Variants in IGF2BP2 observed in about 807,000 individuals in gnomAD.
IGF2BP2 encodes the protein insulin-like growth factor 2 mRNA-binding protein 2.
Under a neutral mutation model 75.8 loss-of-function variants are expected in IGF2BP2, and 17 were observed. The observed-to-expected ratio is 0.22, with a 90% CI of 0.15 to 0.34. The LOEUF (loss-of-function observed/expected upper bound fraction) is 0.34. Ranked by LOEUF, IGF2BP2 falls within the 10% of genes least tolerant of loss-of-function variation. The probability of loss-of-function intolerance (pLI) is 1.00; values close to 1 mark genes in which losing one functional copy is unlikely to be tolerated. For synonymous variants in IGF2BP2, 288 were observed against 295.6 expected, an observed-to-expected ratio of 0.97 and a Z score of 0.26; for missense variants, 516 against 772.4, an observed-to-expected ratio of 0.67 and a Z score of 3.93.
At chr3:185,666,001 CATA>C (rs1717530545) in intron 10 of IGF2BP2, among the ~76,000 whole-genome samples, 1 of 145,294 alleles carries the variant, frequency 6.9e-6, no homozygotes, top group Non-Finnish European at 1.5e-5. Context: ...TAGATAGGTA[CATA>C]GATAGATAGA....
chr3:185,794,947 G>C (rs1383039522), intron 2 of IGF2BP2, among the ~76,000 whole-genome samples: 2 of 151,824 alleles, frequency 1.3e-5, no homozygotes, highest in African/African-American at 2.4e-5. Flanking sequence ...GCCCAGGCTG[G>C]AGTGCAGTGG....
At position 185,647,240 on chromosome 3, in the gene IGF2BP2, G is replaced by C. The variant is rs965397072; in HGVS notation, c.1594-102C>G. On this transcript the variant is annotated intron_variant, in intron 14 of 15. Transcript: ENST00000382199. The surrounding 1 kb of genome is among the most constrained non-coding windows in gnomAD (Gnocchi z 4.9). ...GCCAAGAGGTGGAGCAGGGGAAGGA[G>C]GGGGGCTGGACTCTGCTCTCCTTTC... 1.2e-6 allele frequency: 1 copy of C among 845,430 alleles called. No homozygotes were observed. Among genetic ancestry groups the C allele is most frequent in the Admixed American group, 1.8e-5 (1 of 56,908 alleles). The allele number at this position is 845,430 out of a possible 1,614,324, so 52.4% of individuals were successfully genotyped here.
chr3:185,808,010 T>C (rs1237210332), intron 2 of IGF2BP2, among the ~76,000 whole-genome samples: 2 of 151,660 alleles, frequency 1.3e-5, no homozygotes, highest in East Asian at 1.9e-4. Context: ...CTGGGTGTAG[T>C]GGTGCATGCC....
At chr3:185,780,275 G>A (rs1424134561) in intron 2 of IGF2BP2, among the ~76,000 whole-genome samples, 1 of 152,132 alleles carries the variant, frequency 6.6e-6, no homozygotes, top group Non-Finnish European at 1.5e-5. Flanking sequence ...AAAGGGACCA[G>A]GATTAGGGAT....
chr3:185,767,109 C>T (rs532077345), intron 2 of IGF2BP2, among the ~76,000 whole-genome samples: 176 of 152,284 alleles, frequency 1.2e-3, no homozygotes, highest in African/African-American at 4.1e-3. Context: ...CTGGCAGAGG[C>T]AGTTGTGGGA....
chr3:185,792,003 G>A (rs980176803), intron 2 of IGF2BP2, among the ~76,000 whole-genome samples: 2 of 152,124 alleles, frequency 1.3e-5, no homozygotes, highest in Non-Finnish European at 2.9e-5. Context: ...TCCCATATTT[G>A]GCATGGATCA....
chr3:185,812,163 G>A lies in IGF2BP2; in HGVS notation c.239+10990C>T, dbSNP rs547646737. On this transcript the variant is annotated intron_variant, in intron 2 of 15. Transcript: ENST00000382199. ...TGTTTTGAAGATCACTCCTGTGTTCGTGGAGCCCCACCTTACACAACAGAT... is the reference window on the plus strand; with the variant it reads ...TGTTTTGAAGATCACTCCTGTGTTCATGGAGCCCCACCTTACACAACAGAT... Among the ~76,000 whole-genome samples, 4 of 152,214 alleles carry A rather than the reference G, an allele frequency of 2.6e-5. No individual in the cohort carries two copies. The South Asian group carries it at 6.2e-4, about 24-fold the overall frequency.
intron 2 of IGF2BP2, among the ~76,000 whole-genome samples, chr3:185,756,248 T>C (rs1236733956): frequency 6.6e-6 from 1 of 152,168 alleles, no homozygotes; most frequent in Non-Finnish European, 1.5e-5. Context: ...CCCTTCACCT[T>C]CTGCCATCAT....
chr3:185,647,007 G>A lies in IGF2BP2; in HGVS notation c.1707+18C>T. 6.4e-7 allele frequency: 1 copy of A among 1,552,574 alleles called. No homozygotes were observed. The highest frequency in any genetic ancestry group is 1.7e-4 in the Middle Eastern group (1 of 5,864). On this transcript the variant is annotated intron_variant, in intron 15 of 15. Transcript: ENST00000382199. This position sits in a 1 kb window ranked among gnomAD's most constrained non-coding sequence, Gnocchi z 4.9. ...AAAAGAGACTTGCAGGAGAGACAGG[G>A]CCCTCACAGCACAGTACCTGGCTAG...
At chr3:185,774,482 C>T (rs1173701027) in intron 2 of IGF2BP2, among the ~76,000 whole-genome samples, 1 of 151,874 alleles carries the variant, frequency 6.6e-6, no homozygotes, top group Non-Finnish European at 1.5e-5. Flanking sequence ...ATAGTCCCAG[C>T]TACTCAGGAG....
intron 2 of IGF2BP2, among the ~76,000 whole-genome samples, chr3:185,782,656 G>A (rs1038391436): frequency 7.9e-5 from 12 of 152,162 alleles, no homozygotes; most frequent in East Asian, 3.9e-4. Flanking sequence ...CACTGGGAGC[G>A]CAGACTGTCA....
At chr3:185,789,578 GC>G (rs1240996067) in intron 2 of IGF2BP2, among the ~76,000 whole-genome samples, 4 of 151,778 alleles carry the variant, frequency 2.6e-5, no homozygotes, top group African/African-American at 9.7e-5. Context: ...GCCACATAGG[GC>G]ACACAGCTGT....
At chr3:185,798,794 TC>T (rs779918530) in intron 2 of IGF2BP2, among the ~76,000 whole-genome samples, 40,956 of 134,606 alleles carry the variant, frequency 0.3, 6,554 homozygotes, top group African/African-American at 0.46. Context: ...TTTCTTTTTT[TC>T]TTTTTTTTTT....
chr3:185,772,693 T>C (rs1456190475), intron 2 of IGF2BP2, among the ~76,000 whole-genome samples: 2 of 151,320 alleles, frequency 1.3e-5, no homozygotes, highest in African/African-American at 2.4e-5. Flanking sequence ...GCGATTCTCC[T>C]GTCTCAGCCT....
At chr3:185,690,571 A>G (rs913261340) in intron 5 of IGF2BP2, among the ~76,000 whole-genome samples, 1 of 152,220 alleles carries the variant, frequency 6.6e-6, no homozygotes, top group African/African-American at 2.4e-5. Context: ...TTATAGTTAG[A>G]TATCTGTTGT....
At chr3:185,759,682 A>C (rs541273528) in intron 2 of IGF2BP2, among the ~76,000 whole-genome samples, 18 of 152,350 alleles carry the variant, frequency 1.2e-4, no homozygotes, top group Admixed American at 5.2e-4. Flanking sequence ...GCTTACTTAT[A>C]CATGTGACTT....
rs1480455693 is a variant in IGF2BP2 at position 185,643,837 on chromosome 3, T to C, written c.*1694A>G. The stretch of plus-strand genomic sequence containing the variant: ...TGTTTGCAGTAGAGGAAACTGGCAT[T>C]GCAGTCTGGTGGTATAATGGCTTGT... On this transcript the variant is annotated 3_prime_UTR_variant, in exon 16 of 16. Coordinates refer to ENST00000382199, the MANE Select transcript of IGF2BP2 (RefSeq NM_006548.6). 6.6e-6 allele frequency: 1 copy of C among 150,380 alleles called. No homozygotes were observed. The highest frequency in any genetic ancestry group is 1.5e-5 in the Non-Finnish European group (1 of 67,546). 9.3% of individuals were successfully genotyped at this position (150,380 alleles called of 1,614,324 possible).
At chr3:185,690,235 G>A (rs1560300661) in intron 5 of IGF2BP2, among the ~76,000 whole-genome samples, 1 of 152,170 alleles carries the variant, frequency 6.6e-6, no homozygotes, top group East Asian at 1.9e-4. Context: ...ATAAATATCA[G>A]TATAAAATTA....
Position 185,803,929 on chromosome 3 carries a change from G to A in IGF2BP2, c.239+19224C>T, listed in dbSNP as rs552110717. On this transcript the variant is annotated intron_variant, in intron 2 of 15. Transcript: ENST00000382199. ...ACCTGAGGTCAGGAGTTTGAGACCA[G>A]CCTGGCCAACATGGTGAAACCCTAT... Among the ~76,000 whole-genome samples the A allele has an allele frequency of 2.4e-4, 37 of 152,190 alleles. 1 individual carries two copies. Among genetic ancestry groups the A allele is most frequent in the African/African-American group, 7.7e-4 (32 of 41,516 alleles).
Sources: allele counts gnomAD v4.1 joint callset (sites outside exome capture counted in the v4.1 genomes callset), GRCh38; gene constraint gnomAD v4.1.1; non-coding constraint Gnocchi (gnomAD v3.1); transcripts MANE v1.5; gene names NCBI Gene and HGNC (gene_info 2026-07-23, HGNC 2026-07-21).